Variants in MICU3 observed in about 807,000 individuals in gnomAD.
The protein encoded by MICU3 is mitochondrial calcium uptake 3, also known as calcium uptake protein 3, mitochondrial.
MICU3 carries 62 observed loss-of-function variants against 66.5 expected under a neutral mutation model. The ratio of observed to expected loss-of-function variants is 0.93; its 90% CI spans 0.76 to 1.15. The LOEUF is 1.15. Ranked by LOEUF, MICU3 falls within the 50% of genes most tolerant of loss-of-function variation. The pLI, the probability that MICU3 is intolerant of heterozygous loss-of-function variation, is 0.00. For synonymous variants in MICU3, 308 were observed against 240.7 expected (o/e 1.28, Z -2.59); for missense variants, 779 against 664.4 (o/e 1.17, Z -1.90).
chr8:17,029,118 A>T (rs1014867489), intron 1 of MICU3, among the ~76,000 whole-genome samples: 1 of 152,214 alleles, frequency 6.6e-6, no homozygotes, highest in Non-Finnish European at 1.5e-5. Context: ...CTGGGGTGTT[A>T]TGAGAGTTAA....
downstream of MICU3, among the ~76,000 whole-genome samples, chr8:17,124,032 A>G (rs547495449): frequency 6.7e-6 from 1 of 149,064 alleles, no homozygotes; most frequent in African/African-American, 2.4e-5. Context: ...TTCTTTTGGT[A>G]TCTACCTTCA....
chr8:17,040,652 T>A (rs1016827027), intron 1 of MICU3, among the ~76,000 whole-genome samples: 3 of 152,138 alleles, frequency 2.0e-5, no homozygotes, highest in Admixed American at 6.5e-5. Context: ...TGAAAAAAAA[T>A]TCATTTTCTT....
Position 17,090,566 on chromosome 8 carries a change from C to T in MICU3, c.870C>T (p.Tyr290=), listed in dbSNP as rs577425703. The change falls in exon 8 of 15, where the codon TAC becomes TAT. Residue 290 remains tyrosine, a synonymous_variant. Coordinates refer to ENST00000318063, the MANE Select transcript of MICU3 (RefSeq NM_181723.3). ...RAMLRLQLYG[Y]HSPTNSVLKT... is the part of the protein sequence containing the mutation. ...GTCAGCGTCTTCAACTTTATGGATA[C>T]CATTCTCCTACTAATAGTGTATGTA... 6.2e-6 allele frequency: 10 copies of T among 1,610,668 alleles called. No individual in the cohort carries two copies. Among genetic ancestry groups the T allele is most frequent in the South Asian group, 3.3e-5 (3 of 90,742 alleles).
chr8:17,091,781 A>G (rs1800088069), intron 8 of MICU3, among the ~76,000 whole-genome samples: 1 of 152,132 alleles, frequency 6.6e-6, no homozygotes, highest in Non-Finnish European at 1.5e-5. Flanking sequence ...TTACTCTGTT[A>G]ATGATTTCAA....
chr8:17,135,290 C>T, the MICU3 span, among the ~76,000 whole-genome samples: 5 of 151,732 alleles, frequency 3.3e-5, no homozygotes, highest in South Asian at 4.2e-4. Context: ...TCCCGCTACT[C>T]GGGAGGCTGA....
intron 9 of MICU3, among the ~76,000 whole-genome samples, chr8:17,098,987 A>G (rs555632459): frequency 2.0e-5 from 3 of 151,732 alleles, no homozygotes; most frequent in Admixed American, 2.0e-4. Context: ...TATGGTAGGA[A>G]CAGCCAGTCA....
At chr8:17,125,303 G>C (rs903094999), downstream of MICU3, among the ~76,000 whole-genome samples, 10 of 150,560 alleles carry the variant, frequency 6.6e-5, no homozygotes, top group Admixed American at 5.3e-4. Context: ...TCCCATTCTT[G>C]TTTCATCTAT....
At chr8:17,043,393 T>G (rs1235039043) in intron 1 of MICU3, among the ~76,000 whole-genome samples, 24 of 152,214 alleles carry the variant, frequency 1.6e-4, no homozygotes, top group Admixed American at 1.6e-3. Flanking sequence ...CTTACTAATC[T>G]GACAATAAGA....
intron 8 of MICU3, among the ~76,000 whole-genome samples, chr8:17,091,915 G>C (rs1241456490): frequency 6.6e-6 from 1 of 151,918 alleles, no homozygotes; most frequent in Non-Finnish European, 1.5e-5. Context: ...GTTTTGCTCT[G>C]TCGCCCAGCT....
intron 1 of MICU3, 30 bp downstream of exon 1, chr8:17,027,690 G>A: frequency 7.9e-7 from 1 of 1,267,778 alleles, no homozygotes; most frequent in Non-Finnish European, 9.9e-7. Flanking sequence ...TCACACCTGC[G>A]CGGGGGATGT....
chr8:17,136,980 G>T, the MICU3 span, among the ~76,000 whole-genome samples: 2 of 151,832 alleles, frequency 1.3e-5, no homozygotes, highest in African/African-American at 4.8e-5. Context: ...AACTACAGGT[G>T]CACGCCACCA....
chr8:17,110,399 C>G (rs959780051), intron 11 of MICU3, among the ~76,000 whole-genome samples: 2 of 152,072 alleles, frequency 1.3e-5, no homozygotes, highest in African/African-American at 2.4e-5. Context: ...AGCCCCGTAC[C>G]TATGATGCAG....
At chr8:17,086,468 G>C (rs2517062) in intron 6 of MICU3, among the ~76,000 whole-genome samples, 1 of 152,104 alleles carries the variant, frequency 6.6e-6, no homozygotes, top group African/African-American at 2.4e-5. Flanking sequence ...GTGCTTTGCA[G>C]AATGATGGGG....
rs150268254 is a variant in MICU3 at position 17,118,339 on chromosome 8, G to A, written c.1525-368G>A. 1.1e-4 allele frequency among the ~76,000 whole-genome samples: 17 copies of A among 150,822 alleles called. 2 individuals carry two copies. The highest frequency in any genetic ancestry group is 3.9e-4 in the African/African-American group (16 of 40,938). On this transcript the variant is annotated intron_variant, in intron 13 of 14. Coordinates refer to ENST00000318063, the MANE Select transcript of MICU3 (RefSeq NM_181723.3). Reference sequence around the variant, plus strand: ...ATTTATGGGGTAAATGTGATATTTTGGTATATATATATAGTGGAATGATTA... The same window carrying A: ...ATTTATGGGGTAAATGTGATATTTTAGTATATATATATAGTGGAATGATTA...
At chr8:17,091,290 G>A (rs1032909688) in intron 8 of MICU3, among the ~76,000 whole-genome samples, 7 of 152,034 alleles carry the variant, frequency 4.6e-5, no homozygotes, top group African/African-American at 1.7e-4. Context: ...AGCTGCTAAA[G>A]GAGAACAGGC....
At chr8:17,060,697 G>A (rs1171952036) in intron 1 of MICU3, among the ~76,000 whole-genome samples, 1 of 152,172 alleles carries the variant, frequency 6.6e-6, no homozygotes, top group East Asian at 1.9e-4. Context: ...ACTAAATTGA[G>A]CAGAGACAAT....
At chr8:17,137,660 A>C in the MICU3 span, among the ~76,000 whole-genome samples, 1 of 150,698 alleles carries the variant, frequency 6.6e-6, no homozygotes, top group Non-Finnish European at 1.5e-5. Flanking sequence ...GGATAAATAC[A>C]GGATGGTAAG....
At chr8:17,090,000 T>A (rs907569484) in intron 7 of MICU3, among the ~76,000 whole-genome samples, 1 of 152,082 alleles carries the variant, frequency 6.6e-6, no homozygotes, top group Non-Finnish European at 1.5e-5. Context: ...TGTGCTAAGC[T>A]CCATGCTATA....
At chr8:17,082,211 A>G (rs1472860797) in intron 5 of MICU3, among the ~76,000 whole-genome samples, 1 of 152,122 alleles carries the variant, frequency 6.6e-6, no homozygotes, top group Non-Finnish European at 1.5e-5. Flanking sequence ...CTATGTTTTC[A>G]GTTAAATTTC....
Sources: allele counts gnomAD v4.1 joint callset (sites outside exome capture counted in the v4.1 genomes callset), GRCh38; gene constraint gnomAD v4.1.1; transcripts MANE v1.5; gene names NCBI Gene and HGNC (gene_info 2026-07-23, HGNC 2026-07-21).